Variants in SCFD2 observed in about 807,000 individuals in gnomAD.
SCFD2 encodes sec1 family domain-containing protein 2.
Under a neutral mutation model 58.9 loss-of-function variants are expected in SCFD2, and 54 were observed. The ratio of observed to expected loss-of-function variants is 0.92; its 90% CI spans 0.74 to 1.15. The LOEUF is 1.15. Among genes scored for constraint, SCFD2 ranks in the 50% most tolerant of loss-of-function variants. The probability of loss-of-function intolerance (pLI) is 0.00; values close to 1 mark genes in which losing one functional copy is unlikely to be tolerated. For synonymous variants in SCFD2, 321 were observed against 335.9 expected, an observed-to-expected ratio of 0.96 and a Z score of 0.49; for missense variants, 805 against 836.6, an observed-to-expected ratio of 0.96 and a Z score of 0.47.
chr4:53,193,606 T>C (rs1318550002), intron 4 of SCFD2, among the ~76,000 whole-genome samples: 11 of 152,136 alleles, frequency 7.2e-5, no homozygotes, highest in Admixed American at 6.6e-4. Context: ...ACCTTCACCT[T>C]ACCAACAAAG....
At chr4:53,248,155 G>A (rs1730177337) in intron 4 of SCFD2, among the ~76,000 whole-genome samples, 1 of 152,188 alleles carries the variant, frequency 6.6e-6, no homozygotes, top group East Asian at 1.9e-4. Context: ...TCAAGGAAAG[G>A]GGTGACAGAC....
chr4:52,921,748 C>T (rs1320998876), intron 5 of SCFD2, among the ~76,000 whole-genome samples: 1 of 152,096 alleles, frequency 6.6e-6, no homozygotes, highest in East Asian at 1.9e-4. Context: ...CTGTGTATTC[C>T]GACTGCTTCC....
At chr4:53,144,725 ACT>A (rs145288955) in intron 5 of SCFD2, among the ~76,000 whole-genome samples, 2,069 of 151,962 alleles carry the variant, frequency 0.014, 15 homozygotes, top group Middle Eastern at 0.044. Context: ...TACAGATAAT[ACT>A]CTCTGTATTT....
At chr4:52,978,177 C>G (rs2109562149) in intron 5 of SCFD2, among the ~76,000 whole-genome samples, 1 of 152,244 alleles carries the variant, frequency 6.6e-6, no homozygotes, top group Non-Finnish European at 1.5e-5. Flanking sequence ...AGCAAACAGT[C>G]ATCATAAGTG....
intron 5 of SCFD2, among the ~76,000 whole-genome samples, chr4:52,938,265 CAG>C (rs1320285679): frequency 7.2e-5 from 11 of 152,122 alleles, no homozygotes; most frequent in African/African-American, 2.4e-4. Flanking sequence ...AGAAAAATAA[CAG>C]AGAGGTTGAG....
chr4:53,285,626 G>A (rs1025474807), intron 3 of SCFD2, among the ~76,000 whole-genome samples: 2 of 151,912 alleles, frequency 1.3e-5, no homozygotes, highest in African/African-American at 2.4e-5. Flanking sequence ...AAAGGAGAGC[G>A]CTGAAGTACA....
intron 5 of SCFD2, among the ~76,000 whole-genome samples, chr4:53,140,465 T>G (rs534737559): frequency 1.3e-4 from 19 of 143,144 alleles, no homozygotes; most frequent in African/African-American, 3.9e-4. Context: ...GAAATAAAAT[T>G]TAAGTTTCCT....
intron 3 of SCFD2, among the ~76,000 whole-genome samples, chr4:53,303,109 C>A (rs1401956933): frequency 3.9e-5 from 6 of 152,074 alleles, no homozygotes; most frequent in Non-Finnish European, 8.8e-5. Flanking sequence ...ATGGAATCTA[C>A]TTAAACTAAA....
chr4:53,335,205 A>AG, intron 2 of SCFD2, among the ~76,000 whole-genome samples: 1 of 146,700 alleles, frequency 6.8e-6, no homozygotes, highest in South Asian at 2.2e-4. Flanking sequence ...AAAAAAAAAA[A>AG]AAAAAAAACA....
At chr4:53,149,860 A>G (rs572603737) in intron 4 of SCFD2, among the ~76,000 whole-genome samples, 19 of 152,158 alleles carry the variant, frequency 1.2e-4, no homozygotes, top group Non-Finnish European at 2.4e-4. Context: ...CAGTACTCCA[A>G]ATTATGAAGA....
chr4:53,224,335 G>C (rs1018645371), intron 4 of SCFD2, among the ~76,000 whole-genome samples: 3 of 149,472 alleles, frequency 2.0e-5, no homozygotes, highest in African/African-American at 7.4e-5. Flanking sequence ...GTTGCAGTGA[G>C]CCGAGATCAC....
At chr4:53,335,291 T>A (rs566721115) in intron 2 of SCFD2, among the ~76,000 whole-genome samples, 16 of 150,086 alleles carry the variant, frequency 1.1e-4, no homozygotes, top group African/African-American at 3.7e-4. Context: ...AACCTGAATC[T>A]AATTGTGAGG....
At chr4:53,295,816 T>C (rs1445068219) in intron 3 of SCFD2, among the ~76,000 whole-genome samples, 1 of 152,252 alleles carries the variant, frequency 6.6e-6, no homozygotes, top group Non-Finnish European at 1.5e-5. Context: ...ATTACATCAA[T>C]ACATAGTTTA....
intron 5 of SCFD2, among the ~76,000 whole-genome samples, chr4:53,031,417 C>T (rs189791900): frequency 2.2e-4 from 34 of 152,254 alleles, no homozygotes; most frequent in African/African-American, 7.2e-4. Context: ...CAAAACTTGA[C>T]GTAGAATAAG....
chr4:53,023,002 A>G (rs1419259297), intron 5 of SCFD2, among the ~76,000 whole-genome samples: 1 of 152,186 alleles, frequency 6.6e-6, no homozygotes, highest in East Asian at 1.9e-4. Context: ...CAAAAGGCTA[A>G]AAGAGCCACA....
At chr4:53,354,290 T>G (rs997396320) in intron 1 of SCFD2, among the ~76,000 whole-genome samples, 1 of 152,182 alleles carries the variant, frequency 6.6e-6, no homozygotes, top group African/African-American at 2.4e-5. Flanking sequence ...CTGGGAGTGC[T>G]GGGGGACCCA....
chr4:53,163,007 C>G (rs1726900260), intron 4 of SCFD2, among the ~76,000 whole-genome samples: 1 of 152,136 alleles, frequency 6.6e-6, no homozygotes, highest in African/African-American at 2.4e-5. Flanking sequence ...CTCCAGCTAC[C>G]TTATGAGAGT....
intron 5 of SCFD2, among the ~76,000 whole-genome samples, chr4:52,922,171 T>C (rs1413317948): frequency 6.6e-6 from 1 of 152,228 alleles, no homozygotes; most frequent in Non-Finnish European, 1.5e-5. Flanking sequence ...TCTGGCTTTA[T>C]GTTTTTAGTA....
chr4:53,347,892 C>T (rs568811153), intron 2 of SCFD2, among the ~76,000 whole-genome samples: 7 of 152,270 alleles, frequency 4.6e-5, no homozygotes, highest in Non-Finnish European at 7.3e-5. Context: ...GCAGGGTTAG[C>T]GCAGAGCCAG....
Sources: gnomAD v4.1 joint callset for allele counts (sites outside exome capture counted in the v4.1 genomes callset) on GRCh38, gnomAD v4.1.1 for gene constraint, MANE v1.5 for transcripts, NCBI Gene and HGNC (gene_info 2026-07-23, HGNC 2026-07-21) for gene names.